Variants in NRXN3 observed in about 807,000 individuals in gnomAD.
NRXN3 encodes neurexin III.
A neutral mutation model predicts 137.6 loss-of-function variants in NRXN3; 32 were observed. The observed-to-expected ratio is 0.23, with a 90% CI of 0.18 to 0.31. The LOEUF is 0.31. NRXN3 is among the 10% of genes least tolerant of loss of function. The pLI, the probability that NRXN3 is intolerant of heterozygous loss-of-function variation, is 1.00. For missense variants in NRXN3, 1,574 were observed against 2,062.5 expected (o/e 0.76, Z 4.59); for synonymous variants, 798 against 784.5 (o/e 1.02, Z -0.29).
Position 79,084,092 on chromosome 14 carries a change from T to A in NRXN3, c.3262+95951T>A, listed in dbSNP as rs139295105. Among the ~76,000 whole-genome samples, 477 of 152,140 alleles carry A rather than the reference T, an allele frequency of 3.1e-3. 20 individuals carry two copies. In the East Asian group the frequency reaches 0.083, roughly 26 times the overall value. On this transcript the variant is annotated intron_variant, in intron 15 of 20. Coordinates refer to ENST00000335750, the MANE Select transcript of NRXN3 (RefSeq NM_001330195.2). Reference sequence around the variant, plus strand: ...GCCTGGTTAATTTATTTATTTTTTTTTTTGTAGAGATGGGGGCCTCTATAT... The same window carrying A: ...GCCTGGTTAATTTATTTATTTTTTTATTTGTAGAGATGGGGGCCTCTATAT...
intron 2 of NRXN3, among the ~76,000 whole-genome samples, chr14:78,245,140 A>G (rs1008306): frequency 0.9 from 137,278 of 152,200 alleles, 62,144 homozygotes; most frequent in Middle Eastern, 0.97. Context: ...TCCTTTTAGG[A>G]TTAAGCCCTG....
rs185916479 is a variant in NRXN3 at position 78,751,768 on chromosome 14, C to T, written c.2044+36629C>T. Reference sequence around the variant, plus strand: ...GTCTTCTCCATAGACCGTGACCTTGCCCAGCAGTGTGGCCTGCTGGAGGAG... The same window carrying T: ...GTCTTCTCCATAGACCGTGACCTTGTCCAGCAGTGTGGCCTGCTGGAGGAG... On this transcript the variant is annotated intron_variant, in intron 8 of 20. Transcript: ENST00000335750. 1.2e-4 allele frequency among the ~76,000 whole-genome samples: 19 copies of T among 152,258 alleles called. No homozygotes were observed. In the East Asian group the frequency reaches 3.3e-3, roughly 26 times the overall value.
intron 15 of NRXN3, among the ~76,000 whole-genome samples, chr14:79,040,364 T>TA (rs1366251135): frequency 6.6e-6 from 1 of 152,152 alleles, no homozygotes; most frequent in Non-Finnish European, 1.5e-5. Flanking sequence ...GAAAAGTTTG[T>TA]TACATGTTCT....
chr14:79,308,954 A>C (rs1214262442), intron 15 of NRXN3, among the ~76,000 whole-genome samples: 1 of 127,718 alleles, frequency 7.8e-6, no homozygotes, highest in Non-Finnish European at 1.6e-5. Flanking sequence ...ATTATACTCT[A>C]AGTTTTAGGG....
At chr14:79,217,844 G>A (rs1367555558) in intron 15 of NRXN3, among the ~76,000 whole-genome samples, 1 of 152,182 alleles carries the variant, frequency 6.6e-6, no homozygotes, top group African/African-American at 2.4e-5. Context: ...TAAACAGTTT[G>A]TAAAATGTAC....
intron 4 of NRXN3, among the ~76,000 whole-genome samples, chr14:78,460,394 A>T (rs1435856269): frequency 6.6e-6 from 1 of 152,162 alleles, no homozygotes. Context: ...ACCTCTAATC[A>T]TGCCTTAGTT....
chr14:78,960,299 G>A (rs1400556751), intron 11 of NRXN3, among the ~76,000 whole-genome samples: 2 of 152,126 alleles, frequency 1.3e-5, no homozygotes, highest in East Asian at 1.9e-4. Context: ...AAGGGGTTGG[G>A]AAATTTTAAT....
intron 4 of NRXN3, among the ~76,000 whole-genome samples, chr14:78,637,971 A>G (rs764018023): frequency 1.3e-5 from 2 of 152,236 alleles, no homozygotes; most frequent in African/African-American, 2.4e-5. Context: ...AATGCAGTTG[A>G]CAGCAATTCA....
At chr14:78,403,695 T>C in intron 4 of NRXN3, 1 of 985,320 alleles carries the variant, frequency 1.0e-6, no homozygotes, top group Non-Finnish European at 1.2e-6. Flanking sequence ...GGAAGGCAGC[T>C]TCCTGCACAC....
intron 15 of NRXN3, among the ~76,000 whole-genome samples, chr14:79,228,224 T>C (rs2071434082): frequency 6.6e-6 from 1 of 152,166 alleles, no homozygotes; most frequent in African/African-American, 2.4e-5. Flanking sequence ...CCATGTAGCT[T>C]ATCCCTTTAG....
At chr14:78,482,207 T>A (rs2095485132) in intron 4 of NRXN3, among the ~76,000 whole-genome samples, 1 of 152,222 alleles carries the variant, frequency 6.6e-6, no homozygotes, top group Non-Finnish European at 1.5e-5. Context: ...TCTTGTCAAC[T>A]GATATTGTTT....
intron 15 of NRXN3, among the ~76,000 whole-genome samples, chr14:79,311,717 T>G (rs1302838174): frequency 1.2e-4 from 11 of 92,302 alleles, no homozygotes; most frequent in East Asian, 4.1e-4. Flanking sequence ...CTAGTTTATT[T>G]GCGTAGAGGT....
chr14:79,628,193 T>C (rs1336282396), intron 16 of NRXN3, among the ~76,000 whole-genome samples: 1 of 152,200 alleles, frequency 6.6e-6, no homozygotes, highest in East Asian at 1.9e-4. Context: ...TCATGTTTTA[T>C]ATGATCAATT....
intron 4 of NRXN3, among the ~76,000 whole-genome samples, chr14:78,449,752 T>TC (rs1294593136): frequency 6.6e-6 from 1 of 152,192 alleles, no homozygotes; most frequent in Non-Finnish European, 1.5e-5. Context: ...AAGAACCTGT[T>TC]CATCTTGTTG....
chr14:78,803,852 C>T (rs758106053), intron 9 of NRXN3, 29 bp downstream of exon 9: 24 of 1,585,794 alleles, frequency 1.5e-5, no homozygotes, highest in African/African-American at 6.7e-5. Flanking sequence ...TCTGCCACTT[C>T]GTTTGGGCTT....
chr14:79,401,049 G>A (rs1327597596), intron 15 of NRXN3, among the ~76,000 whole-genome samples: 1 of 152,192 alleles, frequency 6.6e-6, no homozygotes. Flanking sequence ...GGAACACACA[G>A]GCAGAGTCAG....
rs1042171281 is a variant in NRXN3, at chr14:79,848,790, C to A, written c.4094-12552C>A. Reference sequence around the variant, plus strand: ...TAATCTTCTGGGTGATCTGATCCAGCCTCTTGACTTTAAATGGCATCTATA... The same window carrying A: ...TAATCTTCTGGGTGATCTGATCCAGACTCTTGACTTTAAATGGCATCTATA... On this transcript the variant is annotated intron_variant, in intron 20 of 20. Transcript: ENST00000335750. Among the ~76,000 whole-genome samples the A allele has an allele frequency of 4.6e-5, 7 of 152,106 alleles. No homozygotes were observed. In the East Asian group the frequency reaches 1.2e-3, roughly 25 times the overall value.
At chr14:79,176,823 A>G (rs2062390284) in intron 15 of NRXN3, among the ~76,000 whole-genome samples, 2 of 152,214 alleles carry the variant, frequency 1.3e-5, no homozygotes, top group African/African-American at 4.8e-5. Context: ...ATTGATACTT[A>G]TCTGACTCTT....
intron 19 of NRXN3, among the ~76,000 whole-genome samples, chr14:79,802,717 T>C (rs2099186618): frequency 6.6e-6 from 1 of 152,138 alleles, no homozygotes; most frequent in African/African-American, 2.4e-5. Context: ...TAACTAGAAG[T>C]AGAGCTATTA....
Sources: gnomAD v4.1 joint callset for allele counts (sites outside exome capture counted in the v4.1 genomes callset) on GRCh38, gnomAD v4.1.1 for gene constraint, MANE v1.5 for transcripts, NCBI Gene and HGNC (gene_info 2026-07-23, HGNC 2026-07-21) for gene names.